Variants in PDGFRB observed in about 807,000 individuals in gnomAD.
PDGFRB encodes platelet-derived growth factor receptor beta.
PDGFRB carries 42 observed loss-of-function variants against 120.2 expected under a neutral mutation model. That is an observed-to-expected ratio of 0.35 (90% CI 0.27 to 0.45). The LOEUF (loss-of-function observed/expected upper bound fraction) is 0.45, where lower values mean the gene tolerates loss of function less well. Among genes scored for constraint, PDGFRB ranks in the 20% least tolerant of loss-of-function variants. The pLI is 1.00. For synonymous variants in PDGFRB, 586 were observed against 606.8 expected, an observed-to-expected ratio of 0.97 and a Z score of 0.50; for missense variants, 1,149 against 1,476.3, an observed-to-expected ratio of 0.78 and a Z score of 3.63.
chr5:150,119,590 A>G, intron 19 of PDGFRB, 24 bp from the exon 20 acceptor site: 1 of 1,410,086 alleles, frequency 7.1e-7, no homozygotes, highest in Non-Finnish European at 1.0e-6. Context: ...GAGACAAGAG[A>G]TACACAGGCT....
intron 1 of PDGFRB, among the ~76,000 whole-genome samples, chr5:150,145,854 G>A (rs1003080763): frequency 6.6e-6 from 1 of 152,142 alleles, no homozygotes; most frequent in Admixed American, 6.5e-5. Context: ...TCCAGCCTGG[G>A]CAACAAGAGT....
chr5:150,137,222 A>G, intron 1 of PDGFRB, 169 bp from the exon 2 acceptor site: 1 of 583,918 alleles, frequency 1.7e-6, no homozygotes, highest in East Asian at 2.9e-5. Context: ...GGCACTCATG[A>G]CCACAGGCTG....
chr5:150,132,951 G>C lies in PDGFRB; in HGVS notation c.935-9C>G. 4 of 1,547,448 alleles carry C rather than the reference G, an allele frequency of 2.6e-6. No homozygotes were observed. The highest frequency in any genetic ancestry group is 3.5e-6 in the Non-Finnish European group (4 of 1,144,288). On this transcript the variant is annotated splice_polypyrimidine_tract_variant and intron_variant, in intron 6 of 22. Transcript: ENST00000261799. This position sits in a 1 kb window ranked among gnomAD's most constrained non-coding sequence, Gnocchi z 5.0. ...CCGCACGTAGCCGCTCTCTGCAAGGGGTGACCGTCAGGGGCGGGGCCCTGG... is the reference window on the plus strand; with the variant it reads ...CCGCACGTAGCCGCTCTCTGCAAGGCGTGACCGTCAGGGGCGGGGCCCTGG...
chr5:150,122,640 A>G (rs906741725), intron 15 of PDGFRB, among the ~76,000 whole-genome samples: 3 of 152,230 alleles, frequency 2.0e-5, no homozygotes, highest in African/African-American at 7.2e-5. Context: ...AAAGACAAAG[A>G]CTGGAGTTGA....
At chr5:150,124,553 G>A (rs1760239928) in intron 13 of PDGFRB, 174 bp downstream of exon 13, 1 of 618,580 alleles carries the variant, frequency 1.6e-6, no homozygotes, top group South Asian at 2.0e-5. Context: ...AGGCCAGGGA[G>A]AGGAACGCTC....
intron 5 of PDGFRB, 21 bp from the exon 6 acceptor site, chr5:150,133,781 G>A (rs1391567301): frequency 6.2e-7 from 1 of 1,613,176 alleles, no homozygotes; most frequent in Non-Finnish European, 8.5e-7. Flanking sequence ...AGGTTGGGCA[G>A]GCCCCCCAAA....
chr5:150,121,291 G>T lies in PDGFRB; in HGVS notation c.2376C>A (p.Ile792=), dbSNP rs2113889968. The T allele has an allele frequency of 6.2e-7, 1 of 1,600,894 alleles. No homozygotes were observed. Among genetic ancestry groups the T allele is most frequent in the Non-Finnish European group, 8.6e-7 (1 of 1,167,898 alleles). The change falls in exon 17 of 23, where the codon ATC becomes ATA. Residue 792 remains isoleucine, a synonymous_variant. Coordinates refer to ENST00000261799, the MANE Select transcript of PDGFRB (RefSeq NM_002609.4). This position sits in a 1 kb window ranked among gnomAD's most constrained non-coding sequence, Gnocchi z 4.1. ...TGTAGCTTAGCACTGGAGACTCGTT[G>T]ATCAAAGTTGCTCGGCAGGTCCTCT... is the stretch of plus-strand genomic sequence containing the variant. ...APERTCRATL[I]NESPVLSYMD...
chr5:150,130,433 A>G, intron 9 of PDGFRB, 106 bp downstream of exon 9: 2 of 1,122,470 alleles, frequency 1.8e-6, no homozygotes, highest in Non-Finnish European at 2.6e-6. Context: ...ATGCAACTCT[A>G]TGCCCGGAAC....
At chr5:150,140,754 G>A (rs948276918) in intron 1 of PDGFRB, among the ~76,000 whole-genome samples, 11 of 151,624 alleles carry the variant, frequency 7.3e-5, no homozygotes, top group African/African-American at 2.7e-4. Context: ...CAAAGGAGCA[G>A]AGTAAGGACC....
At chr5:150,153,049 C>T (rs1259370081) in intron 1 of PDGFRB, among the ~76,000 whole-genome samples, 3 of 152,200 alleles carry the variant, frequency 2.0e-5, no homozygotes, top group Non-Finnish European at 2.9e-5. Context: ...GCGCTCACTG[C>T]CTCCCAGCTG....
rs1439238454 is a variant in PDGFRB at position 150,133,440 on chromosome 5, C to T, written c.934+146G>A. The T allele has an allele frequency of 3.2e-5, 23 of 719,124 alleles. 2 individuals are homozygous for T. Among genetic ancestry groups the T allele is most frequent in the South Asian group, 2.3e-4 (14 of 60,990 alleles). The allele number at this position is 719,124 out of a possible 1,614,324, so 44.5% of individuals were successfully genotyped here. On this transcript the variant is annotated intron_variant, in intron 6 of 22. Coordinates refer to ENST00000261799, the MANE Select transcript of PDGFRB (RefSeq NM_002609.4). ...CACTGGAGTGTGGCTGACTATACCC[C>T]GGGGCTGTGACAGGCACTGGGTCCA... is the stretch of plus-strand genomic sequence containing the variant.
intron 1 of PDGFRB, among the ~76,000 whole-genome samples, chr5:150,138,206 G>A (rs181742237): frequency 8.5e-5 from 13 of 152,324 alleles, no homozygotes; most frequent in Admixed American, 3.9e-4. Context: ...GGGAGGTGAC[G>A]GCATGATGAG....
chr5:150,121,029 G>C lies in PDGFRB; in HGVS notation c.2464-19C>G, dbSNP rs747592180. The C allele has an allele frequency of 2.2e-5, 36 of 1,613,468 alleles. No individual in the cohort carries two copies. In the East Asian group the frequency reaches 5.6e-4, roughly 25 times the overall value. On this transcript the variant is annotated intron_variant, in intron 17 of 22. Coordinates refer to ENST00000261799, the MANE Select transcript of PDGFRB (RefSeq NM_002609.4). The surrounding 1 kb of genome is among the most constrained non-coding windows in gnomAD (Gnocchi z 4.1). The stretch of plus-strand genomic sequence containing the variant: ...GGACGCACTGGGTTTGGGGAGAGGG[G>C]AGCTGAGGCCTTGGGGACAATTGTG...
chr5:150,136,654 G>A (rs1027427319), intron 2 of PDGFRB, among the ~76,000 whole-genome samples: 1 of 152,140 alleles, frequency 6.6e-6, no homozygotes, highest in African/African-American at 2.4e-5. Flanking sequence ...GCCCAGCAGG[G>A]ACCTGGAAGC....
chr5:150,135,805 C>T lies in PDGFRB; in HGVS notation c.114G>A (p.Pro38=), dbSNP rs781077602. ...QISQGLVVTP[P]GPELVLNVSS... is the part of the protein sequence containing the mutation. ...AGACATTGAGGACAAGCTCTGGCCC[C>T]GGGGGTGTGACGACCAGGCCCTGAG... is the stretch of plus-strand genomic sequence containing the variant. The change falls in exon 3 of 23, where the codon CCG becomes CCA. Residue 38 remains proline (P), a synonymous_variant. Coordinates refer to ENST00000261799, the MANE Select transcript of PDGFRB (RefSeq NM_002609.4). 4.4e-6 allele frequency: 7 copies of T among 1,591,276 alleles called. No individual in the cohort carries two copies. In the African/African-American group the frequency reaches 5.4e-5, roughly 12 times the overall value.
Position 150,121,748 on chromosome 5 carries a change from G to T in PDGFRB, c.2344+132C>A. The T allele has an allele frequency of 1.4e-6, 1 of 733,628 alleles. No individual in the cohort carries two copies. 45.4% of individuals were successfully genotyped at this position (733,628 alleles called of 1,614,324 possible). A position where few individuals can be genotyped will look rare whatever the true frequency, so the allele number is the denominator to read the frequency against. On this transcript the variant is annotated intron_variant, in intron 16 of 22. Coordinates refer to ENST00000261799, the MANE Select transcript of PDGFRB (RefSeq NM_002609.4). This position sits in a 1 kb window ranked among gnomAD's most constrained non-coding sequence, Gnocchi z 4.1. ...CACTACAGATCAGTTTTGGCCAGGT[G>T]GCTAGCCTCAATTTCTACATCTATG...
intron 6 of PDGFRB, among the ~76,000 whole-genome samples, 158 bp from the exon 7 acceptor site, chr5:150,133,100 G>A (rs1053816827): frequency 5.9e-5 from 9 of 152,240 alleles, no homozygotes; most frequent in Admixed American, 3.3e-4. Flanking sequence ...ACAGGGCCTG[G>A]AGAAGGGGCC....
intron 22 of PDGFRB, 85 bp downstream of exon 22, chr5:150,117,525 GCAGCGCGC>G: frequency 1.5e-6 from 1 of 668,426 alleles, no homozygotes; most frequent in Non-Finnish European, 2.6e-6. Flanking sequence ...GGCAAACCTG[GCAGCGCGC>G]GCGCGCGCGC....
At chr5:150,144,904 T>C (rs1760879343) in intron 1 of PDGFRB, among the ~76,000 whole-genome samples, 1 of 151,118 alleles carries the variant, frequency 6.6e-6, no homozygotes, top group South Asian at 2.1e-4. Flanking sequence ...CCCGGCCCCA[T>C]CTGGGCCTCC....
Sources: allele counts gnomAD v4.1 joint callset (sites outside exome capture counted in the v4.1 genomes callset), GRCh38; gene constraint gnomAD v4.1.1; non-coding constraint Gnocchi (gnomAD v3.1); transcripts MANE v1.5; gene names NCBI Gene and HGNC (gene_info 2026-07-23, HGNC 2026-07-21).